Variants in IGF2BP1 observed in about 807,000 individuals in gnomAD.
IGF2BP1 encodes the protein insulin-like growth factor 2 mRNA-binding protein 1.
In IGF2BP1, 11 loss-of-function variants were observed where a neutral mutation model predicts 74.9. The observed-to-expected ratio is 0.15, with a 90% CI of 0.09 to 0.24. The LOEUF is 0.24. Ranked by LOEUF, IGF2BP1 falls within the 10% of genes least tolerant of loss-of-function variation. The pLI is 1.00. For missense variants in IGF2BP1, 440 were observed against 757.4 expected (o/e 0.58, Z 4.92); for synonymous variants, 287 against 281.8 (o/e 1.02, Z -0.18).
chr17:49,041,844 G>T (rs1409375542), intron 8 of IGF2BP1, among the ~76,000 whole-genome samples: 1 of 152,188 alleles, frequency 6.6e-6, no homozygotes, highest in Non-Finnish European at 1.5e-5. Flanking sequence ...AAGTGACCTT[G>T]GCCCTTTTCT....
intron 5 of IGF2BP1, chr17:49,036,918 A>G (rs532518293): frequency 3.4e-4 from 60 of 175,018 alleles, no homozygotes; most frequent in African/African-American, 1.1e-3. Context: ...AGCCTGGGCA[A>G]TGAGCAAAAC....
chr17:49,001,834 A>C (rs2041491420), intron 2 of IGF2BP1, among the ~76,000 whole-genome samples: 1 of 152,148 alleles, frequency 6.6e-6, no homozygotes, highest in Non-Finnish European at 1.5e-5. Context: ...TGAGAGACTT[A>C]GGAGTAGTTG....
intron 2 of IGF2BP1, among the ~76,000 whole-genome samples, chr17:49,006,305 G>A (rs369146752): frequency 5.2e-4 from 79 of 152,274 alleles, no homozygotes; most frequent in African/African-American, 6.3e-4. Context: ...AAGGCTCCAG[G>A]AGGGAAGAAG....
chr17:49,000,977 G>A (rs576931446), intron 2 of IGF2BP1, among the ~76,000 whole-genome samples: 2 of 129,992 alleles, frequency 1.5e-5, no homozygotes, highest in East Asian at 2.0e-4. Flanking sequence ...TATTAAATTA[G>A]ATCTTTTATG....
chr17:49,026,938 T>C lies in IGF2BP1; in HGVS notation c.337+421T>C, dbSNP rs188773365. On this transcript the variant is annotated intron_variant, in intron 4 of 14. Coordinates refer to ENST00000290341, the MANE Select transcript of IGF2BP1 (RefSeq NM_006546.4). ...TTTGTATTTTTAGTAGAGACGCGTTTCACCACGTTGGCCAGGATGGTCTTG... is the reference window on the plus strand; with the variant it reads ...TTTGTATTTTTAGTAGAGACGCGTTCCACCACGTTGGCCAGGATGGTCTTG... 3.6e-3 allele frequency among the ~76,000 whole-genome samples: 544 copies of C among 152,300 alleles called. 1 individual carries two copies. The highest frequency in any genetic ancestry group is 0.012 in the African/African-American group (514 of 41,568).
rs1598117293 is a variant in IGF2BP1 at position 48,999,180 on chromosome 17, G to C, written c.236+11G>C. Reference sequence around the variant, plus strand: ...GCCCAAAAAACAAAGGTAGGAAAGAGCTCTTTTCGGGGGGGGTGGGGGGGC... The same window carrying C: ...GCCCAAAAAACAAAGGTAGGAAAGACCTCTTTTCGGGGGGGGTGGGGGGGC... On this transcript the variant is annotated intron_variant, in intron 2 of 14. Transcript: ENST00000290341. The C allele has an allele frequency of 1.1e-6, 1 of 931,534 alleles. No individual in the cohort carries two copies. The allele number at this position is 931,534 out of a possible 1,614,324, so 57.7% of individuals were successfully genotyped here. A position where few individuals can be genotyped will look rare whatever the true frequency, so the allele number is the denominator to read the frequency against.
rs182640465 is a variant in IGF2BP1, at chr17:49,047,419, G to C, written c.1641+1046G>C. Reference sequence around the variant, plus strand: ...TCGATGCCTTTGTATACCCAGCACTGTTTTATGTGGCTTATGTATATTAAC... The same window carrying C: ...TCGATGCCTTTGTATACCCAGCACTCTTTTATGTGGCTTATGTATATTAAC... On this transcript the variant is annotated intron_variant, in intron 14 of 14. Coordinates refer to ENST00000290341, the MANE Select transcript of IGF2BP1 (RefSeq NM_006546.4). Among the ~76,000 whole-genome samples, 391 of 151,928 alleles carry C rather than the reference G, an allele frequency of 2.6e-3. 2 individuals are homozygous for C. Among genetic ancestry groups the C allele is most frequent in the African/African-American group, 8.8e-3 (364 of 41,434 alleles).
At chr17:49,047,587 C>G (rs2042119752) in intron 14 of IGF2BP1, among the ~76,000 whole-genome samples, 1 of 151,672 alleles carries the variant, frequency 6.6e-6, no homozygotes, top group African/African-American at 2.4e-5. Flanking sequence ...ATATTAAACA[C>G]TGAAGCAATT....
At chr17:49,014,074 C>G (rs2041659513) in intron 2 of IGF2BP1, 1 of 152,094 alleles carries the variant, frequency 6.6e-6, no homozygotes, top group East Asian at 1.9e-4. Flanking sequence ...TGGGCACAGG[C>G]GGGGACAGCC....
chr17:49,028,871 GAT>G (rs1455762233), intron 4 of IGF2BP1, among the ~76,000 whole-genome samples: 10 of 152,102 alleles, frequency 6.6e-5, no homozygotes, highest in African/African-American at 2.4e-4. Context: ...GCAGTGGTGC[GAT>G]CTTGGCTCAT....
At chr17:49,032,198 A>G (rs2144084750) in intron 5 of IGF2BP1, among the ~76,000 whole-genome samples, 1 of 152,258 alleles carries the variant, frequency 6.6e-6, no homozygotes, top group South Asian at 2.1e-4. Context: ...AGAAACATCA[A>G]GATTGATAGC....
At chr17:49,041,072 G>T (rs948199546) in intron 7 of IGF2BP1, among the ~76,000 whole-genome samples, 1 of 152,094 alleles carries the variant, frequency 6.6e-6, no homozygotes, top group Non-Finnish European at 1.5e-5. Flanking sequence ...CCAGCTACTC[G>T]GAAGGCTGAG....
chr17:49,024,727 C>T (rs2041831364), intron 2 of IGF2BP1, among the ~76,000 whole-genome samples: 1 of 152,148 alleles, frequency 6.6e-6, no homozygotes, highest in African/African-American at 2.4e-5. Flanking sequence ...AGGACTTAAC[C>T]ACTGCACTAT....
intron 13 of IGF2BP1, 50 bp from the exon 14 acceptor site, chr17:49,046,210 C>T (rs770266841): frequency 1.3e-6 from 2 of 1,536,896 alleles, no homozygotes. Flanking sequence ...CCTCCAACCC[C>T]ACCCATGCTT....
chr17:49,051,833 A>T lies in IGF2BP1; in HGVS notation c.*2389A>T, dbSNP rs1210313712. ...CTGGTTTGTCATTGCAATGCTTTTC[A>T]TTTTTTTTTTTTGTTATTGTTTCAT... On this transcript the variant is annotated 3_prime_UTR_variant, in exon 15 of 15. Coordinates refer to ENST00000290341, the MANE Select transcript of IGF2BP1 (RefSeq NM_006546.4). 6.9e-6 allele frequency: 1 copy of T among 144,206 alleles called. No individual in the cohort carries two copies. The highest frequency in any genetic ancestry group is 2.5e-5 in the African/African-American group (1 of 39,470). The allele number at this position is 144,206 out of a possible 1,614,324, so 8.9% of individuals were successfully genotyped here. A position where few individuals can be genotyped will look rare whatever the true frequency, so the allele number is the denominator to read the frequency against.
At chr17:49,027,855 A>G (rs1375584667) in intron 4 of IGF2BP1, among the ~76,000 whole-genome samples, 11 of 35,076 alleles carry the variant, frequency 3.1e-4, no homozygotes, top group African/African-American at 2.5e-3. Context: ...CTGTCTCAGA[A>G]AAAAAAAAAA....
chr17:48,997,220 G>T (rs527889563), upstream of IGF2BP1, among the ~76,000 whole-genome samples: 1 of 152,144 alleles, frequency 6.6e-6, no homozygotes, highest in East Asian at 1.9e-4. The surrounding 1 kb of genome is among the most constrained non-coding windows in gnomAD (Gnocchi z 4.8). Flanking sequence ...CTGCCGCACC[G>T]CCCCAGTTTA....
rs191792267 is a variant in IGF2BP1 at position 48,998,306 on chromosome 17, C to A, written c.175+386C>A. Among the ~76,000 whole-genome samples, 1,120 of 152,322 alleles carry A rather than the reference C, an allele frequency of 7.4e-3. 10 individuals carry two copies. Among genetic ancestry groups the A allele is most frequent in the African/African-American group, 0.025 (1,042 of 41,572 alleles). Reference sequence around the variant, plus strand: ...CCCTATCCGCCGGTGGACGCCCCCCCAGCTGGAAAACCCCGGCTCCCGTTC... The same window carrying A: ...CCCTATCCGCCGGTGGACGCCCCCCAAGCTGGAAAACCCCGGCTCCCGTTC... On this transcript the variant is annotated intron_variant, in intron 1 of 14. Coordinates refer to ENST00000290341, the MANE Select transcript of IGF2BP1 (RefSeq NM_006546.4).
At chr17:49,047,714 C>CTTTT (rs34788963) in intron 14 of IGF2BP1, among the ~76,000 whole-genome samples, 3 of 137,834 alleles carry the variant, frequency 2.2e-5, no homozygotes, top group African/African-American at 5.4e-5. Flanking sequence ...TCAACTTCCT[C>CTTTT]TTTTTTTTTT....
Sources: allele counts gnomAD v4.1 joint callset (sites outside exome capture counted in the v4.1 genomes callset), GRCh38; gene constraint gnomAD v4.1.1; non-coding constraint Gnocchi (gnomAD v3.1); transcripts MANE v1.5; gene names NCBI Gene and HGNC (gene_info 2026-07-23, HGNC 2026-07-21).